Variants in ROBO4 observed in about 807,000 individuals in gnomAD.
ROBO4 encodes the protein roundabout guidance receptor 4.
ROBO4 carries 80 observed loss-of-function variants against 103.3 expected under a neutral mutation model. That is an observed-to-expected ratio of 0.77 (90% confidence interval 0.65 to 0.93). ROBO4 has a LOEUF of 0.93. Among genes scored for constraint, ROBO4 ranks in the 40% least tolerant of loss-of-function variants. The pLI, the probability that ROBO4 is intolerant of heterozygous loss-of-function variation, is 0.00. For missense variants in ROBO4, 1,333 were observed against 1,305.3 expected (o/e 1.02, Z -0.33); for synonymous variants, 504 against 529.7 (o/e 0.95, Z 0.67).
chr11:124,887,695 C>T (rs1946738358), intron 13 of ROBO4, 38 bp downstream of exon 13: 1 of 1,596,574 alleles, frequency 6.3e-7, no homozygotes, highest in Non-Finnish European at 8.6e-7. Context: ...TACACCCTAT[C>T]TCACCCCTTC....
intron 4 of ROBO4, 105 bp from the exon 5 acceptor site, chr11:124,896,017 CAG>C: frequency 6.4e-7 from 1 of 1,554,350 alleles, no homozygotes; most frequent in Non-Finnish European, 8.7e-7. Context: ...CCCAAACTCC[CAG>C]AGTCTCCAGG....
At chr11:124,886,890 C>T in intron 15 of ROBO4, 68 bp from the exon 16 acceptor site, 8 of 1,531,862 alleles carry the variant, frequency 5.2e-6, no homozygotes, top group Admixed American at 2.0e-5. Flanking sequence ...ACAGAAAAGC[C>T]CCAGTTGAGG....
At chr11:124,889,744 T>TG in intron 12 of ROBO4, among the ~76,000 whole-genome samples, 1 of 150,782 alleles carries the variant, frequency 6.6e-6, no homozygotes, top group Non-Finnish European at 1.5e-5. Flanking sequence ...TCAAGGGGAG[T>TG]GGGTGGTACT....
chr11:124,892,197 A>C, intron 10 of ROBO4: 1 of 385,290 alleles, frequency 2.6e-6, no homozygotes, highest in Non-Finnish European at 5.1e-6. Flanking sequence ...TCATCTGTAA[A>C]ATGATGGCAA....
rs1424319199 is a variant in ROBO4, at chr11:124,891,494, G to C, written c.1753C>G (p.Leu585Val). Residue 585 changes from leucine to valine, a missense_variant, in exon 12 of 18, where the codon CTC becomes GTC. Transcript: ENST00000306534. ...LPDTSTFYGSLIAELPSSTPA... is the reference protein window; with the variant it reads ...LPDTSTFYGSVIAELPSSTPA... ...GTACTGGAGGGCAGCTCAGCGATGAGGGAGCCATAAAAAGTGCTGGTGTCT... is the reference window on the plus strand; with the variant it reads ...GTACTGGAGGGCAGCTCAGCGATGACGGAGCCATAAAAAGTGCTGGTGTCT... The C allele has an allele frequency of 1.9e-6, 3 of 1,614,030 alleles. No homozygotes were observed. The highest frequency in any genetic ancestry group is 2.2e-5 in the South Asian group (2 of 91,064).
In ROBO4 at chr11:124,893,909, G is replaced by A. The variant is rs769866701; in HGVS notation, c.1455C>T (p.Thr485=). Residue 485 remains threonine, a synonymous_variant, in exon 9 of 18, where the codon ACC becomes ACT. Transcript: ENST00000306534. ...GGCGCCGGCGGTGGATACACACGGCGGTGCCCAGAAGCAGCAGCCAGAGTG... is the reference window on the plus strand; with the variant it reads ...GGCGCCGGCGGTGGATACACACGGCAGTGCCCAGAAGCAGCAGCCAGAGTG... The part of the protein sequence containing the change: ...GVALWLLLLG[T]AVCIHRRRRA... The A allele has an allele frequency of 4.1e-5, 66 of 1,611,814 alleles. No individual in the cohort carries two copies. Among genetic ancestry groups the A allele is most frequent in the Non-Finnish European group, 5.0e-5 (59 of 1,179,764 alleles).
At position 124,887,750 on chromosome 11, in the gene ROBO4, T is replaced by C; in HGVS notation, c.2039A>G (p.Asn680Ser). The change falls in exon 13 of 18, where the codon AAC becomes AGC. Residue 680 changes from asparagine to serine, a missense_variant. Asn to Ser is a conservative substitution (Grantham distance 46). Coordinates refer to ENST00000306534, the MANE Select transcript of ROBO4 (RefSeq NM_019055.6). ...CCTCTCACCTGGGCTTTGGGAAAGGTTCTTGGAACCTCTATTTCCTAACTC... is the reference window on the plus strand; with the variant it reads ...CCTCTCACCTGGGCTTTGGGAAAGGCTCTTGGAACCTCTATTTCCTAACTC... ...ACELGNRGSK[N>S]LSQSPGAVPQ... 6.2e-7 allele frequency: 1 copy of C among 1,613,982 alleles called. No homozygotes were observed. Among genetic ancestry groups the C allele is most frequent in the East Asian group, 2.2e-5 (1 of 44,882 alleles).
At position 124,893,978 on chromosome 11, in the gene ROBO4, C is replaced by T. The variant is rs1946839722; in HGVS notation, c.1386G>A (p.Arg462=). 1 of 1,593,450 alleles carries T rather than the reference C, an allele frequency of 6.3e-7. No homozygotes were observed. Among genetic ancestry groups the T allele is most frequent in the South Asian group, 1.2e-5 (1 of 86,934 alleles). The change falls in exon 9 of 18, where the codon AGG becomes AGA. Residue 462 remains arginine, a synonymous_variant. Coordinates refer to ENST00000306534, the MANE Select transcript of ROBO4 (RefSeq NM_019055.6). The part of the protein sequence containing the change: ...EHGPWTLEQL[R]ATLKRPEVIA... ...TGACCTCAGGCCGCTTCAAGGTAGC[C>T]CTCAGCTGCTCCAGGGTCCAGGGAC...
chr11:124,894,352 G>T lies in ROBO4; in HGVS notation c.1167C>A (p.Asn389Lys), dbSNP rs1355156722. ...TCCAGTTGGCTGGTGGCAGTGATGT[G>T]TTGCCCAGGCTCCAGACCTGAGGCA... is the stretch of plus-strand genomic sequence containing the variant. ...IRGYQVWSLG[N>K]TSLPPANWTV... Residue 389 changes from asparagine to lysine, a missense_variant, in exon 8 of 18, where the codon AAC becomes AAA. Physicochemically the swap from Asn to Lys is moderately conservative, Grantham distance 94. Coordinates refer to ENST00000306534, the MANE Select transcript of ROBO4 (RefSeq NM_019055.6). 6.2e-7 allele frequency: 1 copy of T among 1,613,188 alleles called. No individual in the cohort carries two copies. Among genetic ancestry groups the T allele is most frequent in the Non-Finnish European group, 8.5e-7 (1 of 1,179,836 alleles).
rs369974490 is a variant in ROBO4 at position 124,884,963 on chromosome 11, T to A, written c.3002-50A>T. On this transcript the variant is annotated intron_variant, in intron 17 of 17. Transcript: ENST00000306534. ...CTTGCTCCTTATCTCCCTTCCCCAG[T>A]GCCAGGCTTCCTCCTGGCTTCTTCC... 1.3e-5 allele frequency: 21 copies of A among 1,613,740 alleles called. No individual in the cohort carries two copies. The African/African-American group carries it at 2.5e-4, about 19-fold the overall frequency.
chr11:124,885,538 T>C (rs1286119028), intron 16 of ROBO4, among the ~76,000 whole-genome samples: 1 of 151,916 alleles, frequency 6.6e-6, no homozygotes, highest in Non-Finnish European at 1.5e-5. Context: ...CATGGGCACT[T>C]CTGTCCTGGA....
chr11:124,886,059 T>G (rs1358307962), intron 16 of ROBO4, among the ~76,000 whole-genome samples: 1 of 152,078 alleles, frequency 6.6e-6, no homozygotes, highest in African/African-American at 2.4e-5. Flanking sequence ...GGCATGGTGG[T>G]AGGTGCCTGT....
chr11:124,897,548 T>C, intron 1 of ROBO4, 178 bp downstream of exon 1: 1 of 602,838 alleles, frequency 1.7e-6, no homozygotes, highest in Non-Finnish European at 3.0e-6. Flanking sequence ...TCTTTCTCTC[T>C]CTGGTGTGTG....
Position 124,886,796 on chromosome 11 carries a change from G to C in ROBO4, c.2462C>G (p.Ala821Gly). The change falls in exon 16 of 18, where the codon GCT becomes GGT. Residue 821 changes from alanine (A) to glycine (G), a missense_variant. By Grantham distance (60) the Ala-to-Gly change is moderately conservative. Transcript: ENST00000306534. ...CCCATAGGTGGTGGGGGGTGAAGGA[G>C]CCCTTGGCATGGGAGAGACGCTGTT... ...PRNSVSPMPR[A>G]PSPPTTYGYI... 6.5e-7 allele frequency: 1 copy of C among 1,537,686 alleles called. No homozygotes were observed. The highest frequency in any genetic ancestry group is 8.8e-7 in the Non-Finnish European group (1 of 1,140,400).
Position 124,891,582 on chromosome 11 carries a change from A to T in ROBO4, c.1685-20T>A. 6.2e-7 allele frequency: 1 copy of T among 1,614,200 alleles called. No homozygotes were observed. Among genetic ancestry groups the T allele is most frequent in the Non-Finnish European group, 8.5e-7 (1 of 1,180,028 alleles). ...AGAGCACTGTGACATAAATGACAGG[A>T]GGAATTATGGTGAGCATGTCCTGCT... On this transcript the variant is annotated intron_variant, in intron 11 of 17. Transcript: ENST00000306534.
chr11:124,887,491 G>A lies in ROBO4; in HGVS notation c.2065C>T (p.Pro689Ser), dbSNP rs1946735406. Residue 689 changes from proline (P) to serine (S), a missense_variant, in exon 14 of 18, where the codon CCC (proline) becomes TCC (serine). By Grantham distance (74) the Pro-to-Ser change is moderately conservative. Coordinates refer to ENST00000306534, the MANE Select transcript of ROBO4 (RefSeq NM_019055.6). Reference protein sequence around the residue: ...KNLSQSPGAVPQALVAWRALG... With the variant: ...KNLSQSPGAVSQALVAWRALG... ...GCCCGCCAGGCAACCAGAGCTTGGG[G>A]CACAGCTCCTGGGGAAGAGAAGCCT... The A allele has an allele frequency of 4.3e-6, 7 of 1,613,746 alleles. No individual in the cohort carries two copies. In the East Asian group the frequency reaches 1.6e-4, roughly 36 times the overall value.
At position 124,897,812 on chromosome 11, in the gene ROBO4, AT is replaced by A. The variant is rs769727122; in HGVS notation, c.-18del. On this transcript the variant is annotated 5_prime_UTR_variant, in exon 1 of 18. Transcript: ENST00000306534. ...AGAGCCCATGGCTACTCTCAGCCCT[AT>A]GTCCTTGTCCCGAGCACTTTGTCCT... 69 of 1,606,106 alleles carry A rather than the reference AT, an allele frequency of 4.3e-5. No homozygotes were observed. Among genetic ancestry groups the A allele is most frequent in the Non-Finnish European group, 5.8e-5 (68 of 1,174,536 alleles).
In ROBO4 at chr11:124,885,373, C is replaced by G. The variant is rs373223405; in HGVS notation, c.2795-126G>C. The G allele has an allele frequency of 3.9e-5, 27 of 693,602 alleles. 1 individual carries two copies. The African/African-American group carries it at 4.6e-4, about 12-fold the overall frequency. 43.0% of individuals were successfully genotyped at this position (693,602 alleles called of 1,614,324 possible). On this transcript the variant is annotated intron_variant, in intron 16 of 17. Transcript: ENST00000306534. ...CCCTAAACATAACCTAACCCCAACT[C>G]AGCCCATCAGTCCCAGAGGCCACAT... is the stretch of plus-strand genomic sequence containing the variant.
chr11:124,887,314 C>G, intron 14 of ROBO4, 44 bp downstream of exon 14: 2 of 1,613,042 alleles, frequency 1.2e-6, no homozygotes, highest in Non-Finnish European at 8.5e-7. Context: ...ACTCCCCACA[C>G]CCCCACTCTC....
Sources: gnomAD v4.1 joint callset for allele counts (sites outside exome capture counted in the v4.1 genomes callset) on GRCh38, gnomAD v4.1.1 for gene constraint, MANE v1.5 for transcripts, NCBI Gene and HGNC (gene_info 2026-07-23, HGNC 2026-07-21) for gene names.